RHOA: variants seen among roughly 807,000 people sequenced by gnomAD.
RHOA encodes transforming protein RhoA.
RHOA carries 3 observed loss-of-function variants against 17.5 expected under a neutral mutation model. The ratio of observed to expected loss-of-function variants is 0.17; its 90% confidence interval spans 0.08 to 0.44. The LOEUF is 0.44. Among genes scored for constraint, RHOA ranks in the 20% least tolerant of loss-of-function variants. RHOA has a pLI of 0.99. For synonymous variants in RHOA, 98 were observed against 88.4 expected (o/e 1.11, Z -0.61); for missense variants, 56 against 242.3 (o/e 0.23, Z 5.10).
At chr3:49,370,788 T>C (rs899906387) in intron 2 of RHOA, among the ~76,000 whole-genome samples, 1 of 152,168 alleles carries the variant, frequency 6.6e-6, no homozygotes, top group South Asian at 2.1e-4. Context: ...AAACATCCTC[T>C]GTACAGAGGC....
chr3:49,382,586 A>T (rs750830377), intron 1 of RHOA, among the ~76,000 whole-genome samples: 1 of 152,068 alleles, frequency 6.6e-6, no homozygotes, highest in Non-Finnish European at 1.5e-5. Context: ...CAGTGAGCTG[A>T]AATCATGCCA....
chr3:49,383,250 T>G (rs965346487), intron 1 of RHOA, among the ~76,000 whole-genome samples: 2 of 151,018 alleles, frequency 1.3e-5, no homozygotes, highest in African/African-American at 4.9e-5. Flanking sequence ...CGGCTAACAT[T>G]TCTACTAAAA....
At chr3:49,384,957 G>A (rs1431879155) in intron 1 of RHOA, among the ~76,000 whole-genome samples, 2 of 151,818 alleles carry the variant, frequency 1.3e-5, no homozygotes, top group African/African-American at 2.4e-5. Flanking sequence ...CAGCTACTCG[G>A]GAGGCTGAGG....
At chr3:49,385,595 T>C (rs2048384148) in intron 1 of RHOA, among the ~76,000 whole-genome samples, 1 of 152,154 alleles carries the variant, frequency 6.6e-6, no homozygotes, top group Non-Finnish European at 1.5e-5. Flanking sequence ...TTTTATTTTG[T>C]TGAAGTCAAA....
At chr3:49,360,652 G>A (rs1036379422) in intron 4 of RHOA, among the ~76,000 whole-genome samples, 1 of 151,664 alleles carries the variant, frequency 6.6e-6, no homozygotes, top group Admixed American at 6.6e-5. Context: ...GTAGAGATGG[G>A]GTTTCACCAT....
chr3:49,367,364 A>AAAAAAAAAAAAAAC (rs1429030197), intron 3 of RHOA, among the ~76,000 whole-genome samples: 1 of 143,656 alleles, frequency 7.0e-6, no homozygotes, highest in Non-Finnish European at 1.5e-5. Context: ...AAAAAAAAAA[A>AAAAAAAAAAAAAAC]AAGAATACTG....
At chr3:49,374,071 C>A (rs1190826455) in intron 2 of RHOA, among the ~76,000 whole-genome samples, 2 of 152,124 alleles carry the variant, frequency 1.3e-5, no homozygotes, top group African/African-American at 2.4e-5. Context: ...AATCTTTTGG[C>A]CGGGCACAGT....
At chr3:49,409,758 G>A (rs2048901849) in intron 1 of RHOA, among the ~76,000 whole-genome samples, 1 of 152,144 alleles carries the variant, frequency 6.6e-6, no homozygotes, top group South Asian at 2.1e-4. Context: ...ACTGACAAAT[G>A]GAAAGAAATC....
intron 1 of RHOA, 130 bp from the exon 2 acceptor site, chr3:49,375,721 G>A (rs1478981995): frequency 1.7e-5 from 15 of 872,372 alleles, no homozygotes; most frequent in Middle Eastern, 3.6e-4. Flanking sequence ...CTTCTAGTAC[G>A]CCGATCCACC....
intron 1 of RHOA, among the ~76,000 whole-genome samples, chr3:49,381,773 G>A (rs1237030524): frequency 6.6e-6 from 1 of 151,742 alleles, no homozygotes; most frequent in Non-Finnish European, 1.5e-5. Context: ...GCTGAGGCAG[G>A]AGAATCACTT....
At chr3:49,392,788 T>A (rs2048531596) in intron 1 of RHOA, among the ~76,000 whole-genome samples, 1 of 152,192 alleles carries the variant, frequency 6.6e-6, no homozygotes, top group African/African-American at 2.4e-5. Flanking sequence ...AACGCTGTTC[T>A]AAACATGTCT....
At chr3:49,410,786 G>A (rs960499451) in intron 1 of RHOA, among the ~76,000 whole-genome samples, 1 of 152,190 alleles carries the variant, frequency 6.6e-6, no homozygotes, top group Non-Finnish European at 1.5e-5. Flanking sequence ...GAAAGGCAGA[G>A]TGAAATATCT....
chr3:49,410,551 C>T (rs188280954), intron 1 of RHOA, among the ~76,000 whole-genome samples: 2 of 152,304 alleles, frequency 1.3e-5, no homozygotes, highest in Admixed American at 1.3e-4. Flanking sequence ...TCCAGAGATC[C>T]TTCAATAAGT....
At chr3:49,389,396 A>G (rs2048458172) in intron 1 of RHOA, among the ~76,000 whole-genome samples, 1 of 151,760 alleles carries the variant, frequency 6.6e-6, no homozygotes, top group Non-Finnish European at 1.5e-5. Flanking sequence ...AGAATGTGTG[A>G]GCTTAGTTTG....
chr3:49,372,511 G>C (rs535292769), intron 2 of RHOA, among the ~76,000 whole-genome samples: 2 of 152,176 alleles, frequency 1.3e-5, no homozygotes, highest in African/African-American at 4.8e-5. Flanking sequence ...GAGGCAGGCA[G>C]ATCACGAGGT....
In RHOA at chr3:49,399,054, C is replaced by CAAAAAAAAAAAAAAAAAAAAA. The variant is rs10530558; in HGVS notation, c.-3+12745_-3+12765dup. ...TGCGTGACAGAGCAAGACTCCGTCT[C>CAAAAAAAAAAAAAAAAAAAAA]AAAAAAAAAAAAAAAAAAAAAAAAA... On this transcript the variant is annotated intron_variant, in intron 1 of 4. Coordinates refer to ENST00000418115, the MANE Select transcript of RHOA (RefSeq NM_001664.4). Among the ~76,000 whole-genome samples the CAAAAAAAAAAAAAAAAAAAAA allele has an allele frequency of 4.4e-4, 11 of 24,838 alleles. 2 individuals carry two copies. The highest frequency in any genetic ancestry group is 1.6e-3 in the East Asian group (1 of 614). 16.3% of individuals were successfully genotyped at this position (24,838 alleles called of 152,430 possible).
intron 1 of RHOA, among the ~76,000 whole-genome samples, chr3:49,407,488 A>T (rs62261213): frequency 2.7e-3 from 1 of 364 alleles, no homozygotes; most frequent in East Asian, 0.25. Flanking sequence ...CCTGCCCAGC[A>T]CTTCCAAAGT....
chr3:49,369,037 T>TTTGTTG lies in RHOA; in HGVS notation c.157-495_157-490dup, dbSNP rs1553632065. ...TTTTTTTTTTTTTTTTTTTTTTTTTTTTGTTGAGACGGAGTCTTACTCTGT... is the reference window on the plus strand; with the variant it reads ...TTTTTTTTTTTTTTTTTTTTTTTTTTTTGTTGTTGTTGAGACGGAGTCTTACTCTGT... On this transcript the variant is annotated intron_variant, in intron 2 of 4. Transcript: ENST00000418115. Among the ~76,000 whole-genome samples, 67 of 94,870 alleles carry TTTGTTG rather than the reference T, an allele frequency of 7.1e-4. 1 individual carries two copies. Among genetic ancestry groups the TTTGTTG allele is most frequent in the African/African-American group, 2.5e-3 (59 of 23,574 alleles). The allele number at this position is 94,870 out of a possible 152,430, so 62.2% of individuals were successfully genotyped here.
At chr3:49,408,253 TATATATA>T in intron 1 of RHOA, among the ~76,000 whole-genome samples, 1 of 120,546 alleles carries the variant, frequency 8.3e-6, no homozygotes, top group East Asian at 1.2e-3. Flanking sequence ...TATGTACACA[TATATATA>T]CGTATACACG....
Sources: allele counts gnomAD v4.1 joint callset (sites outside exome capture counted in the v4.1 genomes callset), GRCh38; gene constraint gnomAD v4.1.1; transcripts MANE v1.5; gene names NCBI Gene and HGNC (gene_info 2026-07-23, HGNC 2026-07-21).